BST1: variants seen among roughly 807,000 people sequenced by gnomAD.
The protein encoded by BST1 is bone marrow stromal cell antigen 1, also known as ADP-ribosyl cyclase/cyclic ADP-ribose hydrolase 2.
BST1 carries 49 observed loss-of-function variants against 40.6 expected under a neutral mutation model. The observed-to-expected ratio is 1.21, with a 90% CI of 0.96 to 1.53. BST1 has a LOEUF of 1.53. Ranked by LOEUF, BST1 falls within the 40% of genes most tolerant of loss-of-function variation. The probability of loss-of-function intolerance (pLI) is 0.00; values close to 1 mark genes in which losing one functional copy is unlikely to be tolerated. For synonymous variants in BST1, 157 were observed against 159.3 expected, an observed-to-expected ratio of 0.99 and a Z score of 0.11; for missense variants, 423 against 395.9, an observed-to-expected ratio of 1.07 and a Z score of -0.58.
At chr4:15,714,956 CATT>C (rs1162793536) in intron 4 of BST1, among the ~76,000 whole-genome samples, 1 of 152,208 alleles carries the variant, frequency 6.6e-6, no homozygotes, top group Non-Finnish European at 1.5e-5. Flanking sequence ...TGATATAAAT[CATT>C]GTTGTTTAAA....
chr4:15,744,243 T>C, the BST1 span, among the ~76,000 whole-genome samples: 345 of 152,308 alleles, frequency 2.3e-3, no homozygotes, highest in African/African-American at 7.8e-3. Flanking sequence ...CACACTGCTA[T>C]AAAGAGCAGC....
chr4:15,709,177 G>T (rs1190928286), intron 3 of BST1, among the ~76,000 whole-genome samples: 1 of 152,176 alleles, frequency 6.6e-6, no homozygotes, highest in Non-Finnish European at 1.5e-5. Context: ...CCAGGGAAAG[G>T]AAAGTGTTGC....
At chr4:15,731,086 C>T in intron 8 of BST1, 1 of 470,298 alleles carries the variant, frequency 2.1e-6, no homozygotes, top group Admixed American at 2.6e-5. Flanking sequence ...GTGACTGTTA[C>T]ACACAAGCTC....
At chr4:15,764,027 G>A in the BST1 span, among the ~76,000 whole-genome samples, 2 of 152,038 alleles carry the variant, frequency 1.3e-5, no homozygotes, top group Non-Finnish European at 2.9e-5. Context: ...AATATCAAGA[G>A]TGAGCGCTAA....
Position 15,703,101 on chromosome 4 carries a change from G to A in BST1, c.-44G>A. On this transcript the variant is annotated 5_prime_UTR_variant, in exon 1 of 9. Coordinates refer to ENST00000265016, the MANE Select transcript of BST1 (RefSeq NM_004334.3). ...GAACCGCCTTGGTAGAAGGAGAGAA[G>A]GGGAGTGGAGGAAGCACGGGACTGG... The A allele has an allele frequency of 6.5e-7, 1 of 1,533,040 alleles. No individual in the cohort carries two copies. The highest frequency in any genetic ancestry group is 8.7e-7 in the Non-Finnish European group (1 of 1,147,592). 95.0% of individuals were successfully genotyped at this position (1,533,040 alleles called of 1,614,324 possible).
the BST1 span, among the ~76,000 whole-genome samples, chr4:15,750,658 A>G: frequency 6.6e-6 from 1 of 152,214 alleles, no homozygotes; most frequent in Admixed American, 6.5e-5. Context: ...TACAATGAAC[A>G]CCATATTTCA....
At chr4:15,729,448 C>G (rs908530185) in intron 8 of BST1, among the ~76,000 whole-genome samples, 1 of 152,108 alleles carries the variant, frequency 6.6e-6, no homozygotes, top group Non-Finnish European at 1.5e-5. Flanking sequence ...CAGAATGAGA[C>G]CCTGTCTCAA....
the BST1 span, among the ~76,000 whole-genome samples, chr4:15,745,819 T>C: frequency 6.6e-6 from 1 of 152,200 alleles, no homozygotes; most frequent in Non-Finnish European, 1.5e-5. Context: ...GTAGGGTTTA[T>C]CTCCCACCCT....
chr4:15,717,324 C>A (rs1434994023), intron 6 of BST1, among the ~76,000 whole-genome samples: 1 of 152,146 alleles, frequency 6.6e-6, no homozygotes. Flanking sequence ...CTGTACACTC[C>A]CCCTCTATTA....
chr4:15,703,736 G>GTA (rs1719695377), intron 1 of BST1, among the ~76,000 whole-genome samples: 1 of 139,724 alleles, frequency 7.2e-6, no homozygotes, highest in Non-Finnish European at 1.6e-5. Context: ...GTGTGTGTGT[G>GTA]CTCTAGAGGT....
At chr4:15,714,266 A>C (rs763782211) in intron 4 of BST1, among the ~76,000 whole-genome samples, 5 of 152,100 alleles carry the variant, frequency 3.3e-5, no homozygotes, top group African/African-American at 1.2e-4. Context: ...CCAGCCACCT[A>C]TACGTCAGTG....
chr4:15,723,693 T>C, intron 8 of BST1: 1 of 887,782 alleles, frequency 1.1e-6, no homozygotes, highest in Non-Finnish European at 1.3e-6. Flanking sequence ...TTGTGTAGGA[T>C]AGATTCCCAG....
chr4:15,705,303 G>C (rs1719817726), intron 1 of BST1, among the ~76,000 whole-genome samples: 2 of 151,982 alleles, frequency 1.3e-5, no homozygotes, highest in African/African-American at 4.8e-5. Flanking sequence ...TTAGCTCTGA[G>C]AAATCTGTGC....
intron 8 of BST1, among the ~76,000 whole-genome samples, chr4:15,724,227 T>C (rs1382376738): frequency 6.6e-6 from 1 of 152,252 alleles, no homozygotes; most frequent in East Asian, 1.9e-4. Context: ...TTTCTCTTAG[T>C]ATTTTTCATT....
chr4:15,755,250 T>C, the BST1 span, among the ~76,000 whole-genome samples: 1 of 152,206 alleles, frequency 6.6e-6, no homozygotes, highest in South Asian at 2.1e-4. Flanking sequence ...GTGATTCTCC[T>C]GCCTCGGCCT....
intron 8 of BST1, among the ~76,000 whole-genome samples, chr4:15,725,621 C>T (rs1343422822): frequency 1.3e-5 from 2 of 152,180 alleles, no homozygotes; most frequent in Admixed American, 6.5e-5. Flanking sequence ...ACACGTCACC[C>T]ACAGCTTCTC....
At chr4:15,754,271 G>C in the BST1 span, among the ~76,000 whole-genome samples, 1 of 152,156 alleles carries the variant, frequency 6.6e-6, no homozygotes, top group East Asian at 1.9e-4. Context: ...GAACAATAGA[G>C]GCTTCATGAG....
At chr4:15,760,262 A>AT in the BST1 span, among the ~76,000 whole-genome samples, 1,792 of 148,002 alleles carry the variant, frequency 0.012, 60 homozygotes, top group African/African-American at 0.041. Context: ...TTAGCATTTC[A>AT]TTTTTTTTTT....
the BST1 span, among the ~76,000 whole-genome samples, chr4:15,754,842 G>T: frequency 1.3e-5 from 2 of 152,028 alleles, no homozygotes; most frequent in Admixed American, 1.3e-4. Flanking sequence ...CCTCTAATTC[G>T]GATGACCACT....
Sources: gnomAD v4.1 joint callset for allele counts (sites outside exome capture counted in the v4.1 genomes callset) on GRCh38, gnomAD v4.1.1 for gene constraint, MANE v1.5 for transcripts, NCBI Gene and HGNC (gene_info 2026-07-23, HGNC 2026-07-21) for gene names.